Variants in VTCN1 observed in about 807,000 individuals in gnomAD.
VTCN1 encodes the protein V-set domain-containing T-cell activation inhibitor 1.
In VTCN1, 26 loss-of-function variants were observed where a neutral mutation model predicts 26.5. The ratio of observed to expected loss-of-function variants is 0.98; its 90% CI spans 0.72 to 1.36. The LOEUF is 1.36. Among genes scored for constraint, VTCN1 ranks in the 40% most tolerant of loss-of-function variants. The pLI is 0.00. For missense variants in VTCN1, 298 were observed against 337.7 expected, an observed-to-expected ratio of 0.88 and a Z score of 0.92; for synonymous variants, 116 against 130.7, an observed-to-expected ratio of 0.89 and a Z score of 0.77.
At chr1:117,197,427 G>T (rs1378381633) in intron 1 of VTCN1, among the ~76,000 whole-genome samples, 1 of 152,062 alleles carries the variant, frequency 6.6e-6, no homozygotes, top group Non-Finnish European at 1.5e-5. Flanking sequence ...GGGAACATAG[G>T]GCCCATTCAT....
chr1:117,166,771 A>C (rs970456559), intron 2 of VTCN1, among the ~76,000 whole-genome samples: 4 of 152,014 alleles, frequency 2.6e-5, no homozygotes, highest in African/African-American at 9.7e-5. Context: ...TTGGTTTATC[A>C]GTCTATATTT....
At chr1:117,184,123 T>C (rs1473551511) in intron 1 of VTCN1, among the ~76,000 whole-genome samples, 1 of 152,182 alleles carries the variant, frequency 6.6e-6, no homozygotes, top group Non-Finnish European at 1.5e-5. Flanking sequence ...GACTGTCTTA[T>C]ATATACACAG....
intron 1 of VTCN1, among the ~76,000 whole-genome samples, chr1:117,189,921 C>T (rs1334224770): frequency 6.6e-6 from 1 of 151,906 alleles, no homozygotes. Context: ...AAGGTAGGCT[C>T]ATGCCTTGGT....
intron 4 of VTCN1, among the ~76,000 whole-genome samples, chr1:117,148,364 T>C (rs1330825631): frequency 1.3e-5 from 2 of 152,188 alleles, no homozygotes; most frequent in African/African-American, 2.4e-5. Context: ...CATCTATAAA[T>C]AGGGCTAGAA....
rs571740401 is a variant in VTCN1, at chr1:117,194,044, T to C, written c.32+16780A>G. Among the ~76,000 whole-genome samples the C allele has an allele frequency of 5.9e-5, 9 of 152,276 alleles. No individual in the cohort carries two copies. The South Asian group carries it at 1.9e-3, about 32-fold the overall frequency. ...GGAATACTTCAAACTAGAAATCTTC[T>C]GCACAGCGAAGAAAACAATCAACAA... is the stretch of plus-strand genomic sequence containing the variant. On this transcript the variant is annotated intron_variant, in intron 1 of 5. Coordinates refer to ENST00000369458, the MANE Select transcript of VTCN1 (RefSeq NM_024626.4).
rs1351925849 is a variant in VTCN1, at chr1:117,183,634, G to A, written c.33-13463C>T. On this transcript the variant is annotated intron_variant, in intron 1 of 5. Transcript: ENST00000369458. This position sits in a 1 kb window ranked among gnomAD's most constrained non-coding sequence, Gnocchi z 4.1. ...ATACTTGTTAAACTTGAGTCCTCTT[G>A]GACATTTCTCTCCACAAACAAGGGG... Among the ~76,000 whole-genome samples, 1 of 152,090 alleles carries A rather than the reference G, an allele frequency of 6.6e-6. No individual in the cohort carries two copies. The highest frequency in any genetic ancestry group is 1.5e-5 in the Non-Finnish European group (1 of 68,018).
Position 117,183,542 on chromosome 1 carries a change from G to T in VTCN1, c.33-13371C>A, listed in dbSNP as rs1647777917. ...TTGTAACAAAATGCCTTGGAGGGTT[G>T]TACATGGAAGACCTGGTTGGCTGTG... On this transcript the variant is annotated intron_variant, in intron 1 of 5. Transcript: ENST00000369458. The surrounding 1 kb of genome is among the most constrained non-coding windows in gnomAD (Gnocchi z 4.1). 6.6e-6 allele frequency among the ~76,000 whole-genome samples: 1 copy of T among 152,186 alleles called. No individual in the cohort carries two copies. Among genetic ancestry groups the T allele is most frequent in the East Asian group, 1.9e-4 (1 of 5,200 alleles).
intron 1 of VTCN1, among the ~76,000 whole-genome samples, chr1:117,210,303 G>C (rs1245621399): frequency 6.6e-6 from 1 of 152,080 alleles, no homozygotes; most frequent in Non-Finnish European, 1.5e-5. Flanking sequence ...GAGCTGGGGG[G>C]GCCTGGGGAG....
chr1:117,151,199 T>TC (rs1651771847), intron 4 of VTCN1, among the ~76,000 whole-genome samples: 1 of 139,924 alleles, frequency 7.1e-6, no homozygotes, highest in South Asian at 2.2e-4. Flanking sequence ...GTGTTACAGT[T>TC]CTTTTTTTTT....
chr1:117,154,409 T>A (rs764904755), intron 3 of VTCN1, among the ~76,000 whole-genome samples: 14 of 152,188 alleles, frequency 9.2e-5, no homozygotes, highest in African/African-American at 2.9e-4. Context: ...AAAAGTTGCA[T>A]AGAAGGTATA....
At chr1:117,173,865 T>G (rs1410811049) in intron 1 of VTCN1, among the ~76,000 whole-genome samples, 1 of 152,224 alleles carries the variant, frequency 6.6e-6, no homozygotes, top group Admixed American at 6.5e-5. Context: ...CCAAAGCTCC[T>G]GAGCCCCTCC....
intron 1 of VTCN1, among the ~76,000 whole-genome samples, chr1:117,170,576 T>C (rs1009951773): frequency 6.6e-6 from 1 of 152,210 alleles, no homozygotes; most frequent in Non-Finnish European, 1.5e-5. Flanking sequence ...TTTGTCTCCC[T>C]GTCTTATCTC....
At position 117,205,176 on chromosome 1, in the gene VTCN1, A is replaced by AGG. The variant is rs1205141454; in HGVS notation, c.32+5646_32+5647dup. 1.1e-3 allele frequency among the ~76,000 whole-genome samples: 161 copies of AGG among 148,776 alleles called. 1 individual carries two copies. Among genetic ancestry groups the AGG allele is most frequent in the Middle Eastern group, 7.1e-3 (2 of 282 alleles). On this transcript the variant is annotated intron_variant, in intron 1 of 5. Coordinates refer to ENST00000369458, the MANE Select transcript of VTCN1 (RefSeq NM_024626.4). ...TATATATAGAGAGAGAGAGAGAGAG[A>AGG]GGGGGGTCTCGCTCTATTACCCAGG...
At chr1:117,184,390 C>A (rs752867132) in intron 1 of VTCN1, among the ~76,000 whole-genome samples, 3 of 152,032 alleles carry the variant, frequency 2.0e-5, no homozygotes, top group Non-Finnish European at 4.4e-5. Flanking sequence ...CCATCCCTGA[C>A]CAACACACAC....
chr1:117,172,946 G>T (rs1653000692), intron 1 of VTCN1, among the ~76,000 whole-genome samples: 1 of 152,212 alleles, frequency 6.6e-6, no homozygotes, highest in Non-Finnish European at 1.5e-5. Context: ...ACCCCAGACA[G>T]CAGCGGCAAA....
chr1:117,204,615 C>T (rs575942621), intron 1 of VTCN1, among the ~76,000 whole-genome samples: 21 of 152,022 alleles, frequency 1.4e-4, no homozygotes, highest in Non-Finnish European at 2.8e-4. Flanking sequence ...GCCTGTAATC[C>T]CAGCACTTTG....
At chr1:117,173,370 A>ACC (rs1395811816) in intron 1 of VTCN1, 1 of 489,018 alleles carries the variant, frequency 2.0e-6, no homozygotes, top group Non-Finnish European at 3.7e-6. Context: ...AGATGAACAC[A>ACC]CACACACACA....
chr1:117,160,581 C>G (rs1203229283), intron 2 of VTCN1, among the ~76,000 whole-genome samples: 1 of 152,230 alleles, frequency 6.6e-6, no homozygotes, highest in East Asian at 1.9e-4. Flanking sequence ...AGTAAATGCT[C>G]CATACATATT....
intron 1 of VTCN1, among the ~76,000 whole-genome samples, chr1:117,205,730 A>T (rs1649023003): frequency 6.6e-6 from 1 of 152,216 alleles, no homozygotes; most frequent in African/African-American, 2.4e-5. Flanking sequence ...GGTATAGAGG[A>T]CTAGGTAGTA....
Sources: gnomAD v4.1 joint callset for allele counts (sites outside exome capture counted in the v4.1 genomes callset) on GRCh38, gnomAD v4.1.1 for gene constraint, Gnocchi (gnomAD v3.1) non-coding constraint, MANE v1.5 for transcripts, NCBI Gene and HGNC (gene_info 2026-07-23, HGNC 2026-07-21) for gene names.